ASPH: variants seen among roughly 807,000 people sequenced by gnomAD.
The protein encoded by ASPH is aspartyl/asparaginyl beta-hydroxylase.
Under a neutral mutation model 118.4 loss-of-function variants are expected in ASPH, and 100 were observed. The observed-to-expected ratio is 0.84, with a 90% confidence interval of 0.72 to 1.00. ASPH has a LOEUF of 1.00. ASPH is among the 50% of genes least tolerant of loss of function. ASPH has a pLI of 0.00. For missense variants in ASPH, 920 were observed against 919.5 expected, an observed-to-expected ratio of 1.00 and a Z score of -0.01; for synonymous variants, 315 against 325.6, an observed-to-expected ratio of 0.97 and a Z score of 0.35.
At chr8:61,524,507 A>G (rs1016201631) in intron 22 of ASPH, among the ~76,000 whole-genome samples, 3 of 152,202 alleles carry the variant, frequency 2.0e-5, no homozygotes, top group Non-Finnish European at 4.4e-5. Flanking sequence ...CACATGTAAG[A>G]AAGAGAAAGA....
At chr8:61,607,347 A>G in intron 14 of ASPH, 1 of 696,658 alleles carries the variant, frequency 1.4e-6, no homozygotes, top group Non-Finnish European at 2.6e-6. Context: ...GTGTCGGAAT[A>G]TATATAATTC....
At chr8:61,672,165 C>T (rs189566916) in intron 3 of ASPH, among the ~76,000 whole-genome samples, 8 of 152,280 alleles carry the variant, frequency 5.3e-5, no homozygotes, top group South Asian at 2.1e-4. Flanking sequence ...GATGTCTACT[C>T]TTAGTAAAAT....
At chr8:61,663,780 C>T (rs1475748737) in intron 3 of ASPH, 13 of 976,288 alleles carry the variant, frequency 1.3e-5, no homozygotes, top group African/African-American at 8.8e-5. Flanking sequence ...GATTTCTTCT[C>T]TGTTGTATAA....
intron 22 of ASPH, 21 bp downstream of exon 22, chr8:61,525,956 A>G: frequency 6.2e-7 from 1 of 1,613,204 alleles, no homozygotes; most frequent in Non-Finnish European, 8.5e-7. Flanking sequence ...GCAGAGAACC[A>G]TCTAGAAGTC....
At chr8:61,691,399 C>G (rs1832606158) in intron 1 of ASPH, among the ~76,000 whole-genome samples, 2 of 152,160 alleles carry the variant, frequency 1.3e-5, no homozygotes, top group Non-Finnish European at 2.9e-5. Flanking sequence ...GTCCTTTCCC[C>G]CATTATTTTC....
intron 5 of ASPH, among the ~76,000 whole-genome samples, chr8:61,650,590 T>C (rs963120467): frequency 2.6e-5 from 4 of 152,216 alleles, no homozygotes; most frequent in Admixed American, 2.0e-4. Flanking sequence ...ACTGGGAAAA[T>C]GTTTTGCATT....
chr8:61,611,767 C>T (rs565689907), intron 14 of ASPH, among the ~76,000 whole-genome samples: 103 of 152,218 alleles, frequency 6.8e-4, no homozygotes, highest in African/African-American at 2.2e-3. Context: ...CACAAGACAC[C>T]GCCACCCTTT....
intron 24 of ASPH, among the ~76,000 whole-genome samples, chr8:61,514,918 T>C (rs556603279): frequency 3.3e-5 from 5 of 149,432 alleles, no homozygotes; most frequent in African/African-American, 7.4e-5. Flanking sequence ...AAGCAGAATA[T>C]AGAAGAGAAG....
At chr8:61,599,659 T>C (rs1843412942) in intron 14 of ASPH, among the ~76,000 whole-genome samples, 1 of 151,344 alleles carries the variant, frequency 6.6e-6, no homozygotes, top group Non-Finnish European at 1.5e-5. Context: ...ACTAACAAAT[T>C]GAAAACCCTA....
intron 14 of ASPH, among the ~76,000 whole-genome samples, chr8:61,609,356 C>T (rs143060125): frequency 0.043 from 6,069 of 140,516 alleles, 161 homozygotes; most frequent in Middle Eastern, 0.1. Flanking sequence ...GACAGATTTG[C>T]CTGCTGCCTC....
At chr8:61,638,259 A>T in intron 11 of ASPH, 63 bp downstream of exon 11, 1 of 1,552,674 alleles carries the variant, frequency 6.4e-7, no homozygotes, top group South Asian at 1.2e-5. Flanking sequence ...CACAGGTAGG[A>T]GTTTTAACAA....
chr8:61,617,926 C>A, intron 14 of ASPH, among the ~76,000 whole-genome samples: 1 of 116,018 alleles, frequency 8.6e-6, no homozygotes, highest in South Asian at 2.7e-4. Context: ...TAGTGAGACG[C>A]CATCTCAAAA....
rs1020156003 is a variant in ASPH at position 61,502,564 on chromosome 8, T to A, written c.*795A>T. On this transcript the variant is annotated 3_prime_UTR_variant, in exon 25 of 25. Transcript: ENST00000379454. ...TCCCCAGAAGCTCTAATAATTGGCA[T>A]TAAAAAAATTTGCATCTGGGATTTT... 26 of 152,214 alleles carry A rather than the reference T, an allele frequency of 1.7e-4. No homozygotes were observed. The highest frequency in any genetic ancestry group is 3.8e-4 in the Non-Finnish European group (26 of 68,034). 9.4% of individuals were successfully genotyped at this position (152,214 alleles called of 1,614,324 possible).
At chr8:61,654,236 G>A (rs1199740689) in intron 3 of ASPH, among the ~76,000 whole-genome samples, 2 of 152,094 alleles carry the variant, frequency 1.3e-5, no homozygotes, top group Non-Finnish European at 2.9e-5. Flanking sequence ...CCTTTTACAA[G>A]TCCTAATAAG....
intron 13 of ASPH, among the ~76,000 whole-genome samples, chr8:61,628,820 T>C (rs1382833625): frequency 6.6e-6 from 1 of 152,166 alleles, no homozygotes; most frequent in Non-Finnish European, 1.5e-5. Context: ...AAGCACAACA[T>C]TGTCAATCAT....
intron 24 of ASPH, among the ~76,000 whole-genome samples, chr8:61,506,776 A>T (rs920879350): frequency 6.6e-6 from 1 of 152,192 alleles, no homozygotes; most frequent in African/African-American, 2.4e-5. Context: ...AAGATAAAAG[A>T]CAGAGGTGAA....
intron 16 of ASPH, among the ~76,000 whole-genome samples, chr8:61,571,314 AG>A (rs1017873183): frequency 4.6e-5 from 7 of 152,184 alleles, no homozygotes; most frequent in African/African-American, 1.7e-4. Context: ...AAGGATATAC[AG>A]TCATCCTTAG....
intron 21 of ASPH, among the ~76,000 whole-genome samples, chr8:61,537,555 A>ATTC (rs1820095587): frequency 6.6e-6 from 1 of 152,066 alleles, no homozygotes; most frequent in South Asian, 2.1e-4. Context: ...TATTATTATT[A>ATTC]TTTTGTAGCA....
intron 6 of ASPH, among the ~76,000 whole-genome samples, chr8:61,645,670 T>G (rs1807565598): frequency 6.6e-6 from 1 of 152,222 alleles, no homozygotes; most frequent in South Asian, 2.1e-4. Context: ...CTTGTATTTT[T>G]CACAGAAAAT....
Sources: gnomAD v4.1 joint callset for allele counts (sites outside exome capture counted in the v4.1 genomes callset) on GRCh38, gnomAD v4.1.1 for gene constraint, MANE v1.5 for transcripts, NCBI Gene and HGNC (gene_info 2026-07-23, HGNC 2026-07-21) for gene names.